The following KLF12 variants were observed in gnomAD, a reference collection of about 807,000 sequenced individuals.
KLF12 encodes KLF transcription factor 12, also known as Krueppel-like factor 12.
KLF12 carries 9 observed loss-of-function variants against 37.8 expected under a neutral mutation model. The ratio of observed to expected loss-of-function variants is 0.24; its 90% CI spans 0.14 to 0.42. The LOEUF (loss-of-function observed/expected upper bound fraction) is 0.42, where lower values mean the gene tolerates loss of function less well. Among genes scored for constraint, KLF12 ranks in the 10% least tolerant of loss-of-function variants. The pLI, the probability that KLF12 is intolerant of heterozygous loss-of-function variation, is 1.00. For missense variants in KLF12, 411 were observed against 516.0 expected (o/e 0.80, Z 1.97); for synonymous variants, 208 against 202.1 (o/e 1.03, Z -0.25).
At chr13:73,859,340 C>A (rs1474974996) in intron 3 of KLF12, among the ~76,000 whole-genome samples, 1 of 152,172 alleles carries the variant, frequency 6.6e-6, no homozygotes, top group Non-Finnish European at 1.5e-5. Flanking sequence ...AGGTTGAAGA[C>A]ATTGCCCATG....
chr13:74,222,385 A>G, the KLF12 span, among the ~76,000 whole-genome samples: 1 of 152,228 alleles, frequency 6.6e-6, no homozygotes, highest in African/African-American at 2.4e-5. Context: ...CAGAGTAAAC[A>G]TGTGAATTCC....
the KLF12 span, among the ~76,000 whole-genome samples, chr13:74,195,048 G>A: frequency 6.6e-6 from 1 of 152,110 alleles, no homozygotes; most frequent in Non-Finnish European, 1.5e-5. Flanking sequence ...GACTGAACAG[G>A]AGCTTTGGCA....
At chr13:73,965,088 C>T (rs1167028950) in intron 2 of KLF12, among the ~76,000 whole-genome samples, 3 of 152,086 alleles carry the variant, frequency 2.0e-5, no homozygotes, top group South Asian at 2.1e-4. Context: ...ACTTGTAACC[C>T]ATCTGTGAGG....
intron 3 of KLF12, among the ~76,000 whole-genome samples, chr13:73,881,722 G>A (rs1454372059): frequency 6.6e-6 from 1 of 151,988 alleles, no homozygotes; most frequent in Non-Finnish European, 1.5e-5. Flanking sequence ...CCCGCTGTAT[G>A]CAAAGCCTAA....
chr13:74,086,232 T>C (rs1256500332), intron 1 of KLF12, among the ~76,000 whole-genome samples: 1 of 150,974 alleles, frequency 6.6e-6, no homozygotes, highest in African/African-American at 2.4e-5. Context: ...ACTCGTCATT[T>C]AGCATTAGGT....
intron 3 of KLF12, among the ~76,000 whole-genome samples, chr13:73,899,126 G>C (rs1242481053): frequency 6.6e-6 from 1 of 152,238 alleles, no homozygotes; most frequent in Non-Finnish European, 1.5e-5. Context: ...CACCCCCCAG[G>C]AAGGGGGCTG....
chr13:73,949,429 AT>A (rs1209499806), intron 2 of KLF12, among the ~76,000 whole-genome samples: 3 of 152,058 alleles, frequency 2.0e-5, no homozygotes, highest in South Asian at 2.1e-4. Context: ...AGCTATTAAT[AT>A]TTTTTTTCCC....
At chr13:73,841,750 G>A (rs1019953384) in intron 4 of KLF12, among the ~76,000 whole-genome samples, 2 of 152,098 alleles carry the variant, frequency 1.3e-5, no homozygotes, top group African/African-American at 2.4e-5. Context: ...TTGCACCAAC[G>A]TAATAACAAA....
the KLF12 span, among the ~76,000 whole-genome samples, chr13:74,168,564 T>A: frequency 3.3e-5 from 5 of 152,130 alleles, no homozygotes; most frequent in African/African-American, 1.2e-4. Context: ...GTTCCCCAAG[T>A]CTGACCTAGT....
At chr13:73,697,645 C>A (rs1314669772) in intron 7 of KLF12, among the ~76,000 whole-genome samples, 1 of 152,000 alleles carries the variant, frequency 6.6e-6, no homozygotes, top group East Asian at 1.9e-4. Flanking sequence ...TTCATCTTTT[C>A]AAAAATACAT....
chr13:74,003,306 T>C (rs994823663), intron 1 of KLF12, among the ~76,000 whole-genome samples: 1 of 152,300 alleles, frequency 6.6e-6, no homozygotes, highest in South Asian at 2.1e-4. Context: ...GTAGTAGATT[T>C]AAGTCTGAAT....
chr13:73,926,937 G>A (rs78807899), intron 3 of KLF12, among the ~76,000 whole-genome samples: 50 of 140,334 alleles, frequency 3.6e-4, no homozygotes, highest in Admixed American at 3.6e-4. Flanking sequence ...TGTCTCCTTT[G>A]AAAAAAAAAA....
At chr13:74,275,815 T>TTTCTTTCTTTCTTTCC in the KLF12 span, among the ~76,000 whole-genome samples, 1 of 95,782 alleles carries the variant, frequency 1.0e-5, no homozygotes, top group African/African-American at 4.3e-5. Flanking sequence ...TCCTTCTTTC[T>TTTCTTTCTTTCTTTCC]TTCTTTCTTT....
chr13:74,271,625 A>C, the KLF12 span, among the ~76,000 whole-genome samples: 133 of 152,340 alleles, frequency 8.7e-4, 2 homozygotes, highest in East Asian at 0.022. Flanking sequence ...TAAACATTTC[A>C]TATCCAGCTT....
intron 4 of KLF12, among the ~76,000 whole-genome samples, chr13:73,818,863 C>T (rs1265490446): frequency 6.6e-6 from 1 of 152,214 alleles, no homozygotes; most frequent in Admixed American, 6.5e-5. Flanking sequence ...CGGACAGGCT[C>T]CCTGCTATCT....
intron 1 of KLF12, among the ~76,000 whole-genome samples, chr13:74,075,133 G>A (rs572399090): frequency 1.3e-5 from 2 of 152,290 alleles, no homozygotes; most frequent in Admixed American, 1.3e-4. Flanking sequence ...GGACAAGAAG[G>A]AAGGGAAGGA....
At chr13:73,803,940 A>T (rs1882425908) in intron 5 of KLF12, among the ~76,000 whole-genome samples, 1 of 152,164 alleles carries the variant, frequency 6.6e-6, no homozygotes, top group Admixed American at 6.5e-5. Context: ...GTATAACCAT[A>T]CCCAGTTTCC....
At chr13:74,269,254 T>C in the KLF12 span, among the ~76,000 whole-genome samples, 1 of 152,190 alleles carries the variant, frequency 6.6e-6, no homozygotes, top group African/African-American at 2.4e-5. Flanking sequence ...ACAAGAAGTG[T>C]AGTCACTTCT....
At chr13:74,138,916 C>T (rs1878632603), upstream of KLF12, among the ~76,000 whole-genome samples, 1 of 152,178 alleles carries the variant, frequency 6.6e-6, no homozygotes, top group Admixed American at 6.5e-5. Flanking sequence ...CGATGATCTT[C>T]CTCTGTCTTC....
Sources: allele counts gnomAD v4.1 joint callset (sites outside exome capture counted in the v4.1 genomes callset), GRCh38; gene constraint gnomAD v4.1.1; transcripts MANE v1.5; gene names NCBI Gene and HGNC (gene_info 2026-07-23, HGNC 2026-07-21).